Variants in SGCZ observed in about 807,000 individuals in gnomAD.
SGCZ encodes sarcoglycan zeta.
In SGCZ, 40 loss-of-function variants were observed where a neutral mutation model predicts 41.3. The ratio of observed to expected loss-of-function variants is 0.97; its 90% confidence interval spans 0.75 to 1.26. The LOEUF is 1.26. SGCZ is among the 50% of genes most tolerant of loss of function. The pLI is 0.00. For missense variants in SGCZ, 552 were observed against 369.8 expected (o/e 1.49, Z -4.04); for synonymous variants, 206 against 137.5 (o/e 1.50, Z -3.49).
chr8:14,550,056 T>C (rs1383219030), intron 2 of SGCZ, among the ~76,000 whole-genome samples: 1 of 152,008 alleles, frequency 6.6e-6, no homozygotes, highest in Non-Finnish European at 1.5e-5. Context: ...AGAGAAACTC[T>C]TGTACTTGTG....
At chr8:14,831,126 A>G (rs1441560768) in intron 1 of SGCZ, among the ~76,000 whole-genome samples, 4 of 152,252 alleles carry the variant, frequency 2.6e-5, no homozygotes, top group African/African-American at 7.2e-5. Flanking sequence ...CTCTCTTCCA[A>G]TTGAAAAGTG....
intron 1 of SGCZ, among the ~76,000 whole-genome samples, chr8:15,191,524 A>G (rs1388502022): frequency 6.6e-6 from 1 of 152,074 alleles, no homozygotes; most frequent in African/African-American, 2.4e-5. Context: ...TAAACCCATC[A>G]TGTTAGATCT....
At chr8:15,184,978 G>A (rs575896757) in intron 1 of SGCZ, among the ~76,000 whole-genome samples, 100 of 152,258 alleles carry the variant, frequency 6.6e-4, no homozygotes, top group Middle Eastern at 3.4e-3. Context: ...CAATTAGACT[G>A]TAAATGCCCT....
intron 1 of SGCZ, among the ~76,000 whole-genome samples, chr8:15,065,413 GTAATTATTA>G (rs1805094825): frequency 1.6e-5 from 2 of 125,174 alleles, no homozygotes; most frequent in Admixed American, 8.3e-5. Flanking sequence ...ACATGGTATT[GTAATTATTA>G]TTATTATTAT....
intron 2 of SGCZ, among the ~76,000 whole-genome samples, chr8:14,526,942 T>C (rs546502113): frequency 8.5e-5 from 13 of 152,246 alleles, no homozygotes; most frequent in East Asian, 3.9e-4. Flanking sequence ...AGTTATCTAC[T>C]GGGCACGACA....
intron 5 of SGCZ, among the ~76,000 whole-genome samples, chr8:14,124,036 C>G (rs1475588799): frequency 6.6e-6 from 1 of 152,014 alleles, no homozygotes; most frequent in Non-Finnish European, 1.5e-5. Flanking sequence ...GCTGGAAAAG[C>G]AAAGGAAACA....
intron 1 of SGCZ, among the ~76,000 whole-genome samples, chr8:14,912,562 G>A (rs73517345): frequency 0.021 from 3,124 of 152,108 alleles, 100 homozygotes; most frequent in African/African-American, 0.07. Context: ...TAGTAGTGAT[G>A]TTTCCAAGTT....
intron 2 of SGCZ, among the ~76,000 whole-genome samples, chr8:14,400,434 T>G (rs772191607): frequency 6.6e-6 from 1 of 152,128 alleles, no homozygotes; most frequent in South Asian, 2.1e-4. Context: ...TAAAGAATAA[T>G]ACATATATAA....
intron 3 of SGCZ, among the ~76,000 whole-genome samples, chr8:14,299,374 T>C (rs915975694): frequency 6.6e-6 from 1 of 151,838 alleles, no homozygotes; most frequent in Non-Finnish European, 1.5e-5. Context: ...TGAATAGACA[T>C]AACGTAGACT....
In SGCZ at chr8:14,188,230, C is replaced by G. The variant is rs191188552; in HGVS notation, c.425-23528G>C. ...AAGCAAGTACATTCTGAAAGTAATT[C>G]AAACTTACACAAAGAACCTAGTAAA... On this transcript the variant is annotated intron_variant, in intron 4 of 7. Coordinates refer to ENST00000382080, the MANE Select transcript of SGCZ (RefSeq NM_139167.4). 2.0e-5 allele frequency among the ~76,000 whole-genome samples: 3 copies of G among 152,270 alleles called. No individual in the cohort carries two copies. In the East Asian group the frequency reaches 5.8e-4, roughly 29 times the overall value.
At chr8:14,803,018 C>T (rs73533042) in intron 1 of SGCZ, among the ~76,000 whole-genome samples, 10 of 152,096 alleles carry the variant, frequency 6.6e-5, no homozygotes, top group African/African-American at 2.2e-4. Context: ...TCCCTTGGAA[C>T]GTATTTTTTC....
intron 1 of SGCZ, among the ~76,000 whole-genome samples, chr8:14,803,975 A>G (rs1231287875): frequency 8.3e-6 from 1 of 121,078 alleles, no homozygotes; most frequent in Non-Finnish European, 1.6e-5. Context: ...GCACACTGAC[A>G]CCTCACACGG....
intron 1 of SGCZ, among the ~76,000 whole-genome samples, chr8:15,038,354 G>A (rs1373008545): frequency 6.6e-6 from 1 of 152,016 alleles, no homozygotes; most frequent in South Asian, 2.1e-4. Context: ...ACAAAATGAG[G>A]AAAGGATGAT....
chr8:14,265,380 A>T (rs1799833970), intron 3 of SGCZ, among the ~76,000 whole-genome samples: 1 of 152,170 alleles, frequency 6.6e-6, no homozygotes, highest in Non-Finnish European at 1.5e-5. Context: ...TCCATTTACA[A>T]AATATAGAAA....
intron 1 of SGCZ, among the ~76,000 whole-genome samples, chr8:14,600,402 C>T (rs2117310481): frequency 6.6e-6 from 1 of 152,236 alleles, no homozygotes; most frequent in East Asian, 1.9e-4. Context: ...GTTGTGTACT[C>T]CACATCCTCA....
chr8:14,577,156 A>G (rs575251173), intron 1 of SGCZ, among the ~76,000 whole-genome samples: 1 of 152,326 alleles, frequency 6.6e-6, no homozygotes, highest in Non-Finnish European at 1.5e-5. Flanking sequence ...AGAAATACCA[A>G]TTAACTGGAC....
intron 1 of SGCZ, among the ~76,000 whole-genome samples, chr8:14,702,879 AGAT>A (rs1378888808): frequency 3.4e-5 from 5 of 148,146 alleles, no homozygotes; most frequent in African/African-American, 1.0e-4. Flanking sequence ...ATAGATAGAT[AGAT>A]AAAAAGATAG....
chr8:14,361,126 G>T (rs549828986), intron 2 of SGCZ, among the ~76,000 whole-genome samples: 1 of 152,214 alleles, frequency 6.6e-6, no homozygotes, highest in Non-Finnish European at 1.5e-5. Flanking sequence ...TCGCTAATTG[G>T]ATTGTTTCTT....
intron 5 of SGCZ, among the ~76,000 whole-genome samples, chr8:14,157,390 G>T (rs891714391): frequency 2.0e-5 from 3 of 149,444 alleles, no homozygotes; most frequent in Non-Finnish European, 3.0e-5. Flanking sequence ...GTGTGTGTGT[G>T]TGTATGCTCA....
Sources: gnomAD v4.1 joint callset for allele counts (sites outside exome capture counted in the v4.1 genomes callset) on GRCh38, gnomAD v4.1.1 for gene constraint, MANE v1.5 for transcripts, NCBI Gene and HGNC (gene_info 2026-07-23, HGNC 2026-07-21) for gene names.